The following CDH13 variants were observed in gnomAD, a reference collection of about 807,000 sequenced individuals.
CDH13 encodes the protein cadherin 13, also known as cadherin-13.
A neutral mutation model predicts 63.8 loss-of-function variants in CDH13; 24 were observed. That is an observed-to-expected ratio of 0.38 (90% CI 0.27 to 0.53). The LOEUF is 0.53. Ranked by LOEUF, CDH13 falls within the 20% of genes least tolerant of loss-of-function variation. CDH13 has a pLI of 0.85. For synonymous variants in CDH13, 503 were observed against 355.3 expected (o/e 1.42, Z -4.67); for missense variants, 1,049 against 903.1 (o/e 1.16, Z -2.07).
chr16:83,242,369 G>A (rs1294366261), intron 5 of CDH13, among the ~76,000 whole-genome samples: 1 of 152,186 alleles, frequency 6.6e-6, no homozygotes, highest in East Asian at 1.9e-4. Flanking sequence ...AAGAATATAA[G>A]GAATTTTCTT....
At chr16:82,864,372 G>A (rs2040048836) in intron 2 of CDH13, among the ~76,000 whole-genome samples, 1 of 152,124 alleles carries the variant, frequency 6.6e-6, no homozygotes, top group South Asian at 2.1e-4. Flanking sequence ...CTGAGATGGG[G>A]TAATTTATAC....
At position 83,426,907 on chromosome 16, in the gene CDH13, C is replaced by CTTTCTT. The variant is rs1340492091; in HGVS notation, c.782-59567_782-59566insCTTTTT. On this transcript the variant is annotated intron_variant, in intron 6 of 13. Transcript: ENST00000567109. ...TCAGAATCTATAAATATGTTTCTTTCTTTTTTTTTTTTTTTTTTTTTTTTT... is the reference window on the plus strand; with the variant it reads ...TCAGAATCTATAAATATGTTTCTTTCTTTCTTTTTTTTTTTTTTTTTTTTTTTTTTT... Among the ~76,000 whole-genome samples, 34 of 63,192 alleles carry CTTTCTT rather than the reference C, an allele frequency of 5.4e-4. 2 individuals carry two copies. Among genetic ancestry groups the CTTTCTT allele is most frequent in the African/African-American group, 2.2e-3 (31 of 14,138 alleles). 41.5% of individuals were successfully genotyped at this position (63,192 alleles called of 152,430 possible).
At chr16:83,174,192 AGGT>A (rs2038031650) in intron 4 of CDH13, among the ~76,000 whole-genome samples, 1 of 152,090 alleles carries the variant, frequency 6.6e-6, no homozygotes, top group East Asian at 1.9e-4. Context: ...GAAAAGGATG[AGGT>A]CAGTTCGGGG....
chr16:83,648,685 CTTAT>C (rs1567480127), intron 8 of CDH13, among the ~76,000 whole-genome samples: 1 of 152,176 alleles, frequency 6.6e-6, no homozygotes, highest in Non-Finnish European at 1.5e-5. Flanking sequence ...CTCAGATTTT[CTTAT>C]TTAAGACAAA....
In CDH13 at chr16:83,036,778, C is replaced by G. The variant is rs187267995; in HGVS notation, c.366+4560C>G. On this transcript the variant is annotated intron_variant, in intron 3 of 13. Transcript: ENST00000567109. Reference sequence around the variant, plus strand: ...GTCGTGCAGCCTAGATGCAATTCATCTTCTCATTCTCAGGCAGGAAATCTG... The same window carrying G: ...GTCGTGCAGCCTAGATGCAATTCATGTTCTCATTCTCAGGCAGGAAATCTG... 4.6e-5 allele frequency among the ~76,000 whole-genome samples: 7 copies of G among 152,278 alleles called. No individual in the cohort carries two copies. The South Asian group carries it at 8.3e-4, about 18-fold the overall frequency.
intron 5 of CDH13, among the ~76,000 whole-genome samples, chr16:83,252,270 TC>T (rs574643438): frequency 1.0e-4 from 4 of 39,412 alleles, no homozygotes; most frequent in Admixed American, 2.9e-4. Flanking sequence ...ATCTTTTTTT[TC>T]TTTTTTTTTT....
At chr16:83,159,429 A>G (rs1346731667) in intron 4 of CDH13, among the ~76,000 whole-genome samples, 3 of 152,068 alleles carry the variant, frequency 2.0e-5, no homozygotes, top group Admixed American at 2.0e-4. Flanking sequence ...ATTAATGGGT[A>G]TCATATGGGG....
chr16:82,643,750 T>G (rs867678927), intron 1 of CDH13, among the ~76,000 whole-genome samples: 4 of 152,156 alleles, frequency 2.6e-5, no homozygotes. Context: ...TTAGTGTTAC[T>G]GACTTTTTTT....
chr16:83,258,459 A>G (rs1432378076), intron 5 of CDH13, among the ~76,000 whole-genome samples: 1 of 152,222 alleles, frequency 6.6e-6, no homozygotes, highest in Admixed American at 6.5e-5. Context: ...AAGATATGCC[A>G]GTAAAACCCG....
At chr16:82,967,714 A>G (rs1908066316) in intron 2 of CDH13, among the ~76,000 whole-genome samples, 1 of 152,188 alleles carries the variant, frequency 6.6e-6, no homozygotes, top group Non-Finnish European at 1.5e-5. Flanking sequence ...TTGTGGCAAG[A>G]ACCTCATGGC....
intron 7 of CDH13, among the ~76,000 whole-genome samples, chr16:83,570,765 A>G (rs1488108670): frequency 2.1e-5 from 3 of 143,334 alleles, no homozygotes; most frequent in Non-Finnish European, 3.0e-5. Flanking sequence ...ATATATTTAT[A>G]TATATGAATA....
intron 1 of CDH13, chr16:82,826,622 C>T (rs1178311639): frequency 6.6e-6 from 1 of 152,158 alleles, no homozygotes; most frequent in Non-Finnish European, 1.5e-5. Context: ...GATTGAAGCA[C>T]TTACGGGGGG....
intron 3 of CDH13, among the ~76,000 whole-genome samples, chr16:83,120,357 A>T (rs2035509858): frequency 6.6e-6 from 1 of 152,196 alleles, no homozygotes; most frequent in Non-Finnish European, 1.5e-5. Flanking sequence ...ACCACTCTGG[A>T]CACCCGTGAG....
At chr16:82,865,166 C>T (rs924859423) in intron 2 of CDH13, among the ~76,000 whole-genome samples, 8 of 152,180 alleles carry the variant, frequency 5.3e-5, no homozygotes, top group South Asian at 2.1e-4. Context: ...CACAGGCTGG[C>T]GTTGAGTGTC....
At chr16:83,332,033 ATG>A (rs1422819824) in intron 5 of CDH13, among the ~76,000 whole-genome samples, 1 of 152,176 alleles carries the variant, frequency 6.6e-6, no homozygotes, top group African/African-American at 2.4e-5. Flanking sequence ...AGATTTTTTC[ATG>A]TAATTGATAA....
chr16:83,596,319 G>A (rs973542435), intron 7 of CDH13, among the ~76,000 whole-genome samples: 3 of 152,186 alleles, frequency 2.0e-5, no homozygotes, highest in Admixed American at 2.0e-4. Context: ...TCCCTCTATT[G>A]GTCCTAGGAG....
chr16:83,139,150 G>A (rs1056224320), intron 4 of CDH13, among the ~76,000 whole-genome samples: 4 of 152,138 alleles, frequency 2.6e-5, no homozygotes, highest in African/African-American at 7.2e-5. Flanking sequence ...ATCCACCTGC[G>A]TGCTGTATGT....
chr16:82,875,560 G>A (rs148721683), intron 2 of CDH13, among the ~76,000 whole-genome samples: 3,017 of 152,112 alleles, frequency 0.02, 59 homozygotes, highest in Middle Eastern at 0.11. Context: ...GACGATATTT[G>A]TTTCATTTTG....
intron 8 of CDH13, among the ~76,000 whole-genome samples, chr16:83,665,568 G>T (rs1913871440): frequency 6.6e-6 from 1 of 152,160 alleles, no homozygotes; most frequent in South Asian, 2.1e-4. Flanking sequence ...AGAAATTAGT[G>T]AGACCCTATA....
Sources: allele counts gnomAD v4.1 joint callset (sites outside exome capture counted in the v4.1 genomes callset), GRCh38; gene constraint gnomAD v4.1.1; transcripts MANE v1.5; gene names NCBI Gene and HGNC (gene_info 2026-07-23, HGNC 2026-07-21).